The following CCSER2 variants were observed in gnomAD, a reference collection of about 807,000 sequenced individuals.
The protein encoded by CCSER2 is serine-rich coiled-coil domain-containing protein 2.
In CCSER2, 46 loss-of-function variants were observed where a neutral mutation model predicts 92.3. That is an observed-to-expected ratio of 0.50 (90% CI 0.39 to 0.64). The LOEUF (loss-of-function observed/expected upper bound fraction) is 0.64. CCSER2 is among the 30% of genes least tolerant of loss of function. The probability of loss-of-function intolerance (pLI) is 0.00; values close to 1 mark genes in which losing one functional copy is unlikely to be tolerated. For missense variants in CCSER2, 1,244 were observed against 1,238.9 expected, an observed-to-expected ratio of 1.00 and a Z score of -0.06; for synonymous variants, 433 against 431.4, an observed-to-expected ratio of 1.00 and a Z score of -0.04.
At chr10:84,385,405 A>T (rs921183557) in intron 3 of CCSER2, among the ~76,000 whole-genome samples, 1 of 152,216 alleles carries the variant, frequency 6.6e-6, no homozygotes, top group African/African-American at 2.4e-5. Flanking sequence ...ATATAAAAGT[A>T]GACACATTGA....
At chr10:84,348,325 G>A (rs1202678475) in intron 1 of CCSER2, among the ~76,000 whole-genome samples, 6 of 152,296 alleles carry the variant, frequency 3.9e-5, no homozygotes, top group South Asian at 2.1e-4. Context: ...GGCGGCACGC[G>A]CCTGCAATCG....
chr10:84,449,343 C>T (rs1269702963), intron 6 of CCSER2, among the ~76,000 whole-genome samples: 1 of 152,086 alleles, frequency 6.6e-6, no homozygotes, highest in African/African-American at 2.4e-5. Context: ...CCAGTGCACT[C>T]CAGCCTGGGC....
chr10:84,356,969 T>C (rs1349117555), intron 1 of CCSER2, among the ~76,000 whole-genome samples: 1 of 152,228 alleles, frequency 6.6e-6, no homozygotes, highest in Non-Finnish European at 1.5e-5. Context: ...TATTCTTGCT[T>C]TTAACCTACA....
At chr10:84,368,453 C>T (rs1355560517) in intron 1 of CCSER2, among the ~76,000 whole-genome samples, 1 of 151,478 alleles carries the variant, frequency 6.6e-6, no homozygotes, top group Admixed American at 6.6e-5. Flanking sequence ...GTTCTTTAGT[C>T]TTTTTTCACT....
Position 84,407,508 on chromosome 10 carries a change from G to A in CCSER2, c.1615-10263G>A, listed in dbSNP as rs541392084. Reference sequence around the variant, plus strand: ...CTTGCTTACTTCTCAGTTAACTTTCGTCCTGTAGAGTCTAACTCCTCAGTG... The same window carrying A: ...CTTGCTTACTTCTCAGTTAACTTTCATCCTGTAGAGTCTAACTCCTCAGTG... On this transcript the variant is annotated intron_variant, in intron 3 of 9. Transcript: ENST00000372088. 5.3e-5 allele frequency among the ~76,000 whole-genome samples: 8 copies of A among 152,172 alleles called. No homozygotes were observed. In the South Asian group the frequency reaches 8.3e-4, roughly 16 times the overall value.
At chr10:84,453,123 T>C (rs541212843) in intron 6 of CCSER2, among the ~76,000 whole-genome samples, 23 of 152,206 alleles carry the variant, frequency 1.5e-4, no homozygotes, top group African/African-American at 5.5e-4. Flanking sequence ...CTCCTAGTTG[T>C]CTTGGGCTGT....
At chr10:84,332,413 TA>T (rs1323415425) in intron 1 of CCSER2, among the ~76,000 whole-genome samples, 166 of 78,918 alleles carry the variant, frequency 2.1e-3, no homozygotes, top group African/African-American at 7.6e-3. Context: ...TTTATTTTTT[TA>T]TATATATATA....
chr10:84,435,023 A>C (rs1477021055), intron 5 of CCSER2, among the ~76,000 whole-genome samples: 2 of 152,172 alleles, frequency 1.3e-5, no homozygotes, highest in African/African-American at 4.8e-5. Flanking sequence ...AGTTTTATCT[A>C]GTTGAGGGGA....
Position 84,417,798 on chromosome 10 carries a change from G to T in CCSER2, c.1642G>T (p.Asp548Tyr). 2 of 1,589,160 alleles carry T rather than the reference G, an allele frequency of 1.3e-6. No homozygotes were observed. The highest frequency in any genetic ancestry group is 1.7e-6 in the Non-Finnish European group (2 of 1,157,464). ...IDILNNLESCDLEDDDLMLDV... is the reference protein window; with the variant it reads ...IDILNNLESCYLEDDDLMLDV... ...TATTTTGAATAATCTTGAATCATGT[G>T]ACCTTGAGGATGATGATCTTATGCT... is the stretch of plus-strand genomic sequence containing the variant. Residue 548 changes from aspartate to tyrosine, a missense_variant, in exon 4 of 10, where the codon GAC becomes TAC. Physicochemically the swap from Asp to Tyr is radical, Grantham distance 160. Transcript: ENST00000372088.
intron 3 of CCSER2, among the ~76,000 whole-genome samples, chr10:84,381,609 A>G (rs1190074408): frequency 6.6e-6 from 1 of 151,996 alleles, no homozygotes; most frequent in African/African-American, 2.4e-5. Context: ...CCCCAGTGAA[A>G]CCTTGGGAGC....
Position 84,460,396 on chromosome 10 carries a change from T to A in CCSER2, c.2065-3537T>A, listed in dbSNP as rs540002114. 3.3e-5 allele frequency among the ~76,000 whole-genome samples: 5 copies of A among 152,134 alleles called. No homozygotes were observed. In the East Asian group the frequency reaches 9.7e-4, roughly 29 times the overall value. ...CTGGGATTACATGTGTGAGATTTTT[T>A]AAAAGACTTCTGCATCCTTATACAT... On this transcript the variant is annotated intron_variant, in intron 6 of 9. Transcript: ENST00000372088.
chr10:84,367,961 C>G (rs1292055138), intron 1 of CCSER2, among the ~76,000 whole-genome samples: 1 of 152,116 alleles, frequency 6.6e-6, no homozygotes, highest in African/African-American at 2.4e-5. Context: ...TGGCCCTATG[C>G]TTTCCCATCT....
intron 9 of CCSER2, chr10:84,500,082 A>G (rs1848645823): frequency 7.6e-7 from 1 of 1,316,698 alleles, no homozygotes; most frequent in South Asian, 1.3e-5. Context: ...GGCATCTGCT[A>G]AAGCAGCACT....
intron 9 of CCSER2, among the ~76,000 whole-genome samples, chr10:84,479,423 T>C (rs1335482947): frequency 6.6e-6 from 1 of 152,108 alleles, no homozygotes; most frequent in African/African-American, 2.4e-5. Flanking sequence ...GAGCAAAAAT[T>C]TGAATGTATT....
intron 9 of CCSER2, among the ~76,000 whole-genome samples, chr10:84,490,383 G>T (rs993473274): frequency 1.3e-5 from 2 of 152,154 alleles, no homozygotes; most frequent in Non-Finnish European, 2.9e-5. Context: ...ACACCAATCA[G>T]ATGTAGATTT....
intron 5 of CCSER2, among the ~76,000 whole-genome samples, chr10:84,430,397 G>A (rs1012361612): frequency 1.8e-4 from 27 of 152,122 alleles, no homozygotes; most frequent in African/African-American, 6.3e-4. Context: ...TTCCTTTTAT[G>A]ATTTTTGGTC....
intron 3 of CCSER2, among the ~76,000 whole-genome samples, chr10:84,411,210 G>A (rs1348233902): frequency 6.6e-6 from 1 of 151,936 alleles, no homozygotes; most frequent in African/African-American, 2.4e-5. Context: ...CAGAATCTGG[G>A]TGCTCCTGTA....
intron 3 of CCSER2, chr10:84,389,694 T>C (rs1841418341): frequency 6.2e-6 from 1 of 162,302 alleles, no homozygotes; most frequent in South Asian, 1.7e-4. Context: ...CTTGGCCTCT[T>C]CTGAGCCAAA....
chr10:84,499,851 C>G (rs1026292883), intron 9 of CCSER2: 1 of 1,613,048 alleles, frequency 6.2e-7, no homozygotes, highest in Non-Finnish European at 8.5e-7. Context: ...ATTATACCTC[C>G]CTACCCCATC....
Sources: gnomAD v4.1 joint callset for allele counts (sites outside exome capture counted in the v4.1 genomes callset) on GRCh38, gnomAD v4.1.1 for gene constraint, MANE v1.5 for transcripts, NCBI Gene and HGNC (gene_info 2026-07-23, HGNC 2026-07-21) for gene names.